DLG2: variants seen among roughly 807,000 people sequenced by gnomAD.
The protein encoded by DLG2 is discs large MAGUK scaffold protein 2, also known as disks large homolog 2.
DLG2 carries 45 observed loss-of-function variants against 132.5 expected under a neutral mutation model. The ratio of observed to expected loss-of-function variants is 0.34; its 90% CI spans 0.27 to 0.44. DLG2 has a LOEUF of 0.44. Ranked by LOEUF, DLG2 falls within the 20% of genes least tolerant of loss-of-function variation. DLG2 has a pLI of 1.00. For missense variants in DLG2, 1,045 were observed against 1,196.9 expected, an observed-to-expected ratio of 0.87 and a Z score of 1.87; for synonymous variants, 424 against 419.6, an observed-to-expected ratio of 1.01 and a Z score of -0.13.
intron 10 of DLG2, among the ~76,000 whole-genome samples, chr11:84,075,836 A>G (rs1177138416): frequency 6.6e-6 from 1 of 152,216 alleles, no homozygotes; most frequent in African/African-American, 2.4e-5. Context: ...TGAAAAACTC[A>G]TGACACATTT....
chr11:83,562,785 T>G (rs2096634200), intron 19 of DLG2, among the ~76,000 whole-genome samples: 1 of 151,942 alleles, frequency 6.6e-6, no homozygotes, highest in Non-Finnish European at 1.5e-5. Flanking sequence ...TCATGTTACT[T>G]TTTATTCTAA....
Position 84,258,414 on chromosome 11 carries a change from A to G in DLG2, c.520-7123T>C, listed in dbSNP as rs546261969. 2.0e-5 allele frequency among the ~76,000 whole-genome samples: 3 copies of G among 152,360 alleles called. No homozygotes were observed. The South Asian group carries it at 6.2e-4, about 32-fold the overall frequency. The stretch of plus-strand genomic sequence containing the variant: ...ATGACATAACCCAGATCTCACAATT[A>G]CATAGTATCAAAACTGAGGTTAACA... On this transcript the variant is annotated intron_variant, in intron 7 of 27. Transcript: ENST00000376104.
chr11:83,929,450 T>C (rs1353256740), intron 15 of DLG2, among the ~76,000 whole-genome samples: 1 of 152,216 alleles, frequency 6.6e-6, no homozygotes, highest in Non-Finnish European at 1.5e-5. Context: ...CTATTTTTCT[T>C]GCTTTCCTCT....
At chr11:83,712,907 G>A (rs2085795579) in intron 18 of DLG2, among the ~76,000 whole-genome samples, 1 of 151,440 alleles carries the variant, frequency 6.6e-6, no homozygotes, top group Admixed American at 6.6e-5. Context: ...AAATCACCGT[G>A]GCACAAGTTT....
chr11:84,030,956 T>C (rs2095672933), intron 11 of DLG2, among the ~76,000 whole-genome samples: 1 of 152,044 alleles, frequency 6.6e-6, no homozygotes, highest in South Asian at 2.1e-4. Flanking sequence ...CAAGAGATAG[T>C]TAAATGTGGT....
Position 84,493,159 on chromosome 11 carries a change from G to T in DLG2, c.519+41411C>A, listed in dbSNP as rs575237624. Among the ~76,000 whole-genome samples, 15 of 152,062 alleles carry T rather than the reference G, an allele frequency of 9.9e-5. 1 individual carries two copies. The East Asian group carries it at 2.9e-3, about 30-fold the overall frequency. ...TGTATGTCCATCAGCTTGGGGACAT[G>T]GTGTGATGGTGGATTTATCAGGTCA... On this transcript the variant is annotated intron_variant, in intron 7 of 27. Transcript: ENST00000376104.
intron 21 of DLG2, among the ~76,000 whole-genome samples, chr11:83,493,754 T>G (rs2094001972): frequency 6.6e-6 from 1 of 152,134 alleles, no homozygotes; most frequent in South Asian, 2.1e-4. Context: ...GCAGAAAGTC[T>G]GCTAGTGAAT....
chr11:85,367,318 G>A (rs553592195), intron 3 of DLG2, among the ~76,000 whole-genome samples: 15 of 152,090 alleles, frequency 9.9e-5, no homozygotes, highest in African/African-American at 1.7e-4. Flanking sequence ...CTTAATAGCC[G>A]ACTGATGCTG....
intron 6 of DLG2, among the ~76,000 whole-genome samples, chr11:84,610,393 A>C (rs1285551117): frequency 6.6e-6 from 1 of 152,148 alleles, no homozygotes. Flanking sequence ...AGTTCCTTAA[A>C]TAAAGAAAAA....
At chr11:84,593,167 A>T (rs1031168252) in intron 6 of DLG2, among the ~76,000 whole-genome samples, 1 of 151,398 alleles carries the variant, frequency 6.6e-6, no homozygotes, top group Non-Finnish European at 1.5e-5. Context: ...GAGGATGTGG[A>T]GAAATAGGGA....
intron 4 of DLG2, among the ~76,000 whole-genome samples, chr11:85,161,557 C>T (rs185723485): frequency 6.7e-4 from 102 of 152,316 alleles, no homozygotes; most frequent in African/African-American, 2.4e-3. Flanking sequence ...TTTGCCTATC[C>T]TGCACGTAAT....
chr11:84,262,024 G>C (rs2097553686), intron 7 of DLG2, among the ~76,000 whole-genome samples: 1 of 152,072 alleles, frequency 6.6e-6, no homozygotes. Context: ...TAAACAGAAA[G>C]ACTCCTCTAT....
intron 6 of DLG2, among the ~76,000 whole-genome samples, chr11:84,750,551 C>T (rs1167867284): frequency 2.0e-5 from 3 of 151,772 alleles, no homozygotes; most frequent in Non-Finnish European, 4.4e-5. Flanking sequence ...TAAATTATAT[C>T]TCAATGTTTT....
intron 3 of DLG2, chr11:85,452,869 G>A (rs541873503): frequency 5.3e-6 from 1 of 187,244 alleles, no homozygotes; most frequent in South Asian, 1.3e-4. Flanking sequence ...TCATCTACAA[G>A]AACAATCTGC....
rs1317007680 is a variant in DLG2, at chr11:83,646,876, T to C, written c.1826-13551A>G. On this transcript the variant is annotated intron_variant, in intron 18 of 27. Transcript: ENST00000376104. Reference sequence around the variant, plus strand: ...TCCCTAAACGTTCCTTTTTAAAAGCTACTGTTCTCAATTAATGGGTGTCTC... The same window carrying C: ...TCCCTAAACGTTCCTTTTTAAAAGCCACTGTTCTCAATTAATGGGTGTCTC... 6 of 152,156 alleles carry C rather than the reference T, an allele frequency of 3.9e-5. No individual in the cohort carries two copies. In the East Asian group the frequency reaches 1.2e-3, roughly 29 times the overall value. 9.4% of individuals were successfully genotyped at this position (152,156 alleles called of 1,614,324 possible). A position where few individuals can be genotyped will look rare whatever the true frequency, so the allele number is the denominator to read the frequency against.
At position 84,642,092 on chromosome 11, in the gene DLG2, A is replaced by AGTGTGTGT. The variant is rs34226746; in HGVS notation, c.358-107369_358-107362dup. ...TGTGTGTGTGTGTGTGTATATGTAG[A>AGTGTGTGT]GTGTGTGTGTGTGTGTATATGTAGA... is the stretch of plus-strand genomic sequence containing the variant. On this transcript the variant is annotated intron_variant, in intron 6 of 27. Transcript: ENST00000376104. Among the ~76,000 whole-genome samples the AGTGTGTGT allele has an allele frequency of 3.6e-4, 50 of 139,246 alleles. 1 individual carries two copies. The highest frequency in any genetic ancestry group is 1.4e-3 in the African/African-American group (48 of 35,266). The allele number at this position is 139,246 out of a possible 152,430, so 91.4% of individuals were successfully genotyped here. A position where few individuals can be genotyped will look rare whatever the true frequency, so the allele number is the denominator to read the frequency against.
intron 16 of DLG2, among the ~76,000 whole-genome samples, chr11:83,865,886 G>T (rs145135537): frequency 1.3e-5 from 2 of 152,208 alleles, no homozygotes; most frequent in East Asian, 3.9e-4. Flanking sequence ...AGTTCATGTT[G>T]TTCTCATCTG....
intron 3 of DLG2, among the ~76,000 whole-genome samples, chr11:85,494,969 G>A (rs1476501356): frequency 1.3e-5 from 2 of 151,734 alleles, no homozygotes; most frequent in African/African-American, 4.8e-5. Context: ...CCTCATTCAT[G>A]GATTTTATAA....
At chr11:85,213,881 A>G (rs914277297) in intron 4 of DLG2, among the ~76,000 whole-genome samples, 3 of 152,174 alleles carry the variant, frequency 2.0e-5, no homozygotes, top group African/African-American at 7.2e-5. Flanking sequence ...CTTAAGAGGA[A>G]CCTTAGACAG....
Sources: gnomAD v4.1 joint callset for allele counts (sites outside exome capture counted in the v4.1 genomes callset) on GRCh38, gnomAD v4.1.1 for gene constraint, MANE v1.5 for transcripts, NCBI Gene and HGNC (gene_info 2026-07-23, HGNC 2026-07-21) for gene names.